ENDOV: variants seen among roughly 807,000 people sequenced by gnomAD.
The protein encoded by ENDOV is hEndoV.
ENDOV carries 37 observed loss-of-function variants against 39.4 expected under a neutral mutation model. The ratio of observed to expected loss-of-function variants is 0.94; its 90% CI spans 0.72 to 1.23. The LOEUF (loss-of-function observed/expected upper bound fraction) is 1.23, where lower values mean the gene tolerates loss of function less well. Among genes scored for constraint, ENDOV ranks in the 50% most tolerant of loss-of-function variants. The pLI is 0.00. For synonymous variants in ENDOV, 186 were observed against 163.4 expected, an observed-to-expected ratio of 1.14 and a Z score of -1.05; for missense variants, 441 against 375.7, an observed-to-expected ratio of 1.17 and a Z score of -1.44.
chr17:80,415,310 C>A, intron 1 of ENDOV, 60 bp downstream of exon 1: 8 of 1,578,576 alleles, frequency 5.1e-6, no homozygotes, highest in Non-Finnish European at 6.1e-6. Context: ...CCTTCGCGGA[C>A]CCTCCGAGCT....
At chr17:80,428,916 G>C (rs2083065966) in intron 8 of ENDOV, among the ~76,000 whole-genome samples, 1 of 152,188 alleles carries the variant, frequency 6.6e-6, no homozygotes, top group Admixed American at 6.5e-5. Context: ...GCCCTGTCTG[G>C]TCCAAGCCCT....
intron 9 of ENDOV, among the ~76,000 whole-genome samples, chr17:80,431,875 C>T (rs1344985459): frequency 6.6e-6 from 1 of 152,096 alleles, no homozygotes; most frequent in Non-Finnish European, 1.5e-5. Context: ...GGAACTCAGG[C>T]CAGTGTGGGG....
At chr17:80,427,982 G>A in intron 7 of ENDOV, 1 of 948,798 alleles carries the variant, frequency 1.1e-6, no homozygotes, top group Non-Finnish European at 1.4e-6. Context: ...ATCTGAGCTG[G>A]GATCAGGGGG....
chr17:80,435,492 T>C (rs1415041689), intron 9 of ENDOV, among the ~76,000 whole-genome samples: 1 of 152,212 alleles, frequency 6.6e-6, no homozygotes, highest in Non-Finnish European at 1.5e-5. Flanking sequence ...TCTCGCTCTG[T>C]TGCCAAGACT....
intron 9 of ENDOV, among the ~76,000 whole-genome samples, chr17:80,432,825 C>G (rs1325816552): frequency 6.6e-6 from 1 of 152,078 alleles, no homozygotes; most frequent in Non-Finnish European, 1.5e-5. Context: ...CAGCAGTACC[C>G]AGGTTTCTGC....
rs1031850736 is a variant in ENDOV at position 80,437,716 on chromosome 17, G to A, written c.*1573G>A. 2.0e-5 allele frequency: 3 copies of A among 152,188 alleles called. No homozygotes were observed. The highest frequency in any genetic ancestry group is 4.4e-5 in the Non-Finnish European group (3 of 68,050). The allele number at this position is 152,188 out of a possible 1,614,324, so 9.4% of individuals were successfully genotyped here. On this transcript the variant is annotated 3_prime_UTR_variant, in exon 10 of 10. Coordinates refer to ENST00000518137, the MANE Select transcript of ENDOV (RefSeq NM_173627.5). The stretch of plus-strand genomic sequence containing the variant: ...GAGAGACGCTTTGAAAACAAAACAG[G>A]AAAGAACACACGGCCCCGCGTCTGT...
In ENDOV at chr17:80,436,504, T is replaced by C. The variant is rs1421996666; in HGVS notation, c.*361T>C. 9.1e-6 allele frequency: 5 copies of C among 551,132 alleles called. 1 individual carries two copies. In the East Asian group the frequency reaches 3.2e-4, roughly 36 times the overall value. The allele number at this position is 551,132 out of a possible 1,614,324, so 34.1% of individuals were successfully genotyped here. ...TTAAAGGGTACTGGATTTTGTCAAA[T>C]GCTTTTCTGGCCTCTATTGAAAAGA... On this transcript the variant is annotated 3_prime_UTR_variant, in exon 10 of 10. Transcript: ENST00000518137.
chr17:80,430,407 C>T (rs1405755755), intron 9 of ENDOV: 14 of 1,484,380 alleles, frequency 9.4e-6, no homozygotes, highest in Non-Finnish European at 1.3e-5. Flanking sequence ...TTCCATTGAT[C>T]TCTTTACCCT....
intron 7 of ENDOV, among the ~76,000 whole-genome samples, chr17:80,426,584 G>A (rs1452250372): frequency 2.0e-5 from 3 of 152,222 alleles, no homozygotes; most frequent in Admixed American, 6.5e-5. Context: ...CCAGGAGGTC[G>A]AGGCTGTAGT....
rs2145164526 is a variant in ENDOV at position 80,437,251 on chromosome 17, G to A, written c.*1108G>A. Reference sequence around the variant, plus strand: ...CTCACCTAAGCCCAAGAGTCAGAGAGTCGGAGCTCCAACCACATCTGCCTG... The same window carrying A: ...CTCACCTAAGCCCAAGAGTCAGAGAATCGGAGCTCCAACCACATCTGCCTG... On this transcript the variant is annotated 3_prime_UTR_variant, in exon 10 of 10. Transcript: ENST00000518137. 6.5e-6 allele frequency: 1 copy of A among 152,850 alleles called. No individual in the cohort carries two copies. The highest frequency in any genetic ancestry group is 1.9e-4 in the East Asian group (1 of 5,186). The allele number at this position is 152,850 out of a possible 1,614,324, so 9.5% of individuals were successfully genotyped here.
At position 80,415,870 on chromosome 17, in the gene ENDOV, G is replaced by A. The variant is rs769825642; in HGVS notation, c.228+49G>A. The A allele has an allele frequency of 5.4e-5, 84 of 1,550,002 alleles. No individual in the cohort carries two copies. The East Asian group carries it at 2.0e-3, about 36-fold the overall frequency. On this transcript the variant is annotated intron_variant, in intron 2 of 9. Transcript: ENST00000518137. ...CGAGGCGGGCCCCTCGGTGGGCTCGGGCGTGCGGTCTCCGGGACAGGGAGC... is the reference window on the plus strand; with the variant it reads ...CGAGGCGGGCCCCTCGGTGGGCTCGAGCGTGCGGTCTCCGGGACAGGGAGC...
intron 9 of ENDOV, among the ~76,000 whole-genome samples, chr17:80,432,486 G>T (rs1436335949): frequency 2.0e-5 from 3 of 152,094 alleles, no homozygotes; most frequent in Non-Finnish European, 4.4e-5. Context: ...GGCTGGGCTG[G>T]GCTCTCCCGG....
intron 6 of ENDOV, 91 bp downstream of exon 6, chr17:80,425,191 C>T: frequency 9.1e-7 from 1 of 1,100,672 alleles, no homozygotes; most frequent in Non-Finnish European, 1.3e-6. Context: ...CGCGTGCACT[C>T]ACACTTGCCC....
chr17:80,423,187 G>A (rs950532375), intron 4 of ENDOV, among the ~76,000 whole-genome samples: 1 of 152,224 alleles, frequency 6.6e-6, no homozygotes, highest in Admixed American at 6.5e-5. Flanking sequence ...TCGTGCCAGC[G>A]CTGGCAGGCC....
chr17:80,426,758 G>T (rs545047118), intron 7 of ENDOV, among the ~76,000 whole-genome samples: 48 of 152,384 alleles, frequency 3.1e-4, no homozygotes, highest in Admixed American at 1.2e-3. Context: ...GTGCGCCAGG[G>T]TTTCAGACGT....
intron 2 of ENDOV, chr17:80,418,776 G>A (rs1460439183): frequency 1.3e-5 from 2 of 152,144 alleles, no homozygotes; most frequent in African/African-American, 2.4e-5. Flanking sequence ...AAGTTAGATT[G>A]TAGTGATATT....
chr17:80,432,455 T>G (rs2083386797), intron 9 of ENDOV, among the ~76,000 whole-genome samples: 1 of 152,084 alleles, frequency 6.6e-6, no homozygotes, highest in Non-Finnish European at 1.5e-5. Context: ...CTGAAACCTC[T>G]GAATGTCACC....
chr17:80,416,047 G>T, intron 2 of ENDOV: 4 of 454,982 alleles, frequency 8.8e-6, no homozygotes, highest in Non-Finnish European at 1.6e-5. Flanking sequence ...AGACCAGCCT[G>T]ACCAACATGG....
rs1330795269 is a variant in ENDOV, at chr17:80,437,896, T to G, written c.*1753T>G. On this transcript the variant is annotated 3_prime_UTR_variant, in exon 10 of 10. Coordinates refer to ENST00000518137, the MANE Select transcript of ENDOV (RefSeq NM_173627.5). ...AAACCTTGATGTGATTCTGCTGTAA[T>G]GTAACTTCGGAGCCAGCTGGATGGA... 1 of 152,154 alleles carries G rather than the reference T, an allele frequency of 6.6e-6. No homozygotes were observed. Among genetic ancestry groups the G allele is most frequent in the Non-Finnish European group, 1.5e-5 (1 of 68,034 alleles). The allele number at this position is 152,154 out of a possible 1,614,324, so 9.4% of individuals were successfully genotyped here.
Sources: allele counts gnomAD v4.1 joint callset (sites outside exome capture counted in the v4.1 genomes callset), GRCh38; gene constraint gnomAD v4.1.1; transcripts MANE v1.5; gene names NCBI Gene and HGNC (gene_info 2026-07-23, HGNC 2026-07-21).